The following GNAO1 variants were observed in gnomAD, a reference collection of about 807,000 sequenced individuals.
The protein encoded by GNAO1 is guanine nucleotide-binding protein G(o) subunit alpha.
For missense variants in GNAO1, 166 were observed against 478.7 expected (o/e 0.35, Z 6.10); for synonymous variants, 164 against 180.7 (o/e 0.91, Z 0.74).
intron 6 of GNAO1, chr16:56,345,130 AG>A: frequency 1.0e-6 from 1 of 985,752 alleles, no homozygotes; most frequent in Non-Finnish European, 1.2e-6. Context: ...CCTGAGCAGA[AG>A]GGGGCGGGGT....
At chr16:56,238,038 G>A (rs1263153375) in intron 2 of GNAO1, among the ~76,000 whole-genome samples, 1 of 152,220 alleles carries the variant, frequency 6.6e-6, no homozygotes, top group Non-Finnish European at 1.5e-5. Context: ...GAAAGCGAGA[G>A]TGAAAGGAGG....
intron 2 of GNAO1, among the ~76,000 whole-genome samples, chr16:56,237,226 A>G (rs1319810992): frequency 2.0e-5 from 3 of 152,250 alleles, no homozygotes; most frequent in African/African-American, 7.2e-5. Context: ...GAATCAAAAG[A>G]CTAAAGAGTA....
At chr16:56,194,611 C>CCGGCGGAGAGAGCCGAGCCGCTT (rs2036214572) in intron 2 of GNAO1, 3 of 194,696 alleles carry the variant, frequency 1.5e-5, no homozygotes, top group Non-Finnish European at 3.3e-5. Flanking sequence ...AGTCGGTGCT[C>CCGGCGGAGAGAGCCGAGCCGCTT]CGGCGGAGAG....
chr16:56,264,908 T>A (rs1357484736), intron 2 of GNAO1, among the ~76,000 whole-genome samples: 1 of 152,022 alleles, frequency 6.6e-6, no homozygotes, highest in East Asian at 1.9e-4. Flanking sequence ...AATGTTCGCA[T>A]ACCATACAGC....
intron 5 of GNAO1, among the ~76,000 whole-genome samples, chr16:56,335,655 C>A (rs779143971): frequency 6.6e-6 from 1 of 152,196 alleles, no homozygotes; most frequent in Admixed American, 6.5e-5. Context: ...ATCTGGGGAG[C>A]AAAACCTTGG....
chr16:56,256,716 CTCTGTGTGTGTGTGTG>C (rs57661226), intron 2 of GNAO1, among the ~76,000 whole-genome samples: 20,877 of 88,916 alleles, frequency 0.23, 1,465 homozygotes, highest in East Asian at 0.42. Flanking sequence ...CTCTCTCTCT[CTCTGTGTGTGTGTGTG>C]TGTGTGTGTG....
chr16:56,344,442 G>A, intron 6 of GNAO1: 1 of 1,002,702 alleles, frequency 1.0e-6, no homozygotes, highest in Non-Finnish European at 1.2e-6. Context: ...GGTGGGATCA[G>A]GCCAACTTGG....
intron 8 of GNAO1, 41 bp downstream of exon 8, chr16:56,355,122 G>A (rs899517899): frequency 6.6e-5 from 50 of 754,394 alleles, no homozygotes; most frequent in African/African-American, 3.8e-4. Flanking sequence ...GCGTGCGCGC[G>A]CATACACACA....
At chr16:56,342,370 C>A (rs4784658) in intron 6 of GNAO1, among the ~76,000 whole-genome samples, 1 of 152,130 alleles carries the variant, frequency 6.6e-6, no homozygotes, top group Non-Finnish European at 1.5e-5. Flanking sequence ...CTTAGAGCTG[C>A]GGCTCTGAAC....
chr16:56,241,200 T>C (rs1281851319), intron 2 of GNAO1, among the ~76,000 whole-genome samples: 1 of 152,234 alleles, frequency 6.6e-6, no homozygotes, highest in Non-Finnish European at 1.5e-5. Context: ...CAGAGCACTT[T>C]GAGGGCCACA....
intron 2 of GNAO1, among the ~76,000 whole-genome samples, chr16:56,255,255 G>A (rs2036836083): frequency 6.6e-6 from 1 of 152,114 alleles, no homozygotes; most frequent in Non-Finnish European, 1.5e-5. Context: ...ACTCCTCACG[G>A]TTTCCTGACC....
chr16:56,350,624 T>A lies in GNAO1; in HGVS notation c.724-760T>A, dbSNP rs558247927. Among the ~76,000 whole-genome samples the A allele has an allele frequency of 3.3e-5, 5 of 152,252 alleles. No individual in the cohort carries two copies. The South Asian group carries it at 1.0e-3, about 32-fold the overall frequency. ...GCTTAGAACATCATGCAGTGTCAGATGCAGCTGAGTAGGACCCAGCCAGAG... is the reference window on the plus strand; with the variant it reads ...GCTTAGAACATCATGCAGTGTCAGAAGCAGCTGAGTAGGACCCAGCCAGAG... On this transcript the variant is annotated intron_variant, in intron 6 of 8. Coordinates refer to ENST00000262493, the MANE Select transcript of GNAO1 (RefSeq NM_020988.3).
rs764813379 is a variant in GNAO1, at chr16:56,357,264, A to G, written c.*1190A>G. 1.8e-4 allele frequency: 27 copies of G among 151,724 alleles called. No individual in the cohort carries two copies. The highest frequency in any genetic ancestry group is 3.5e-4 in the Non-Finnish European group (24 of 67,906). The allele number at this position is 151,724 out of a possible 1,614,324, so 9.4% of individuals were successfully genotyped here. ...GAGGAGGCAAAAAGACAAAACACAC[A>G]AAAAATTAAAAAAAAAAACTTAAAA... On this transcript the variant is annotated 3_prime_UTR_variant, in exon 9 of 9. Transcript: ENST00000262493.
chr16:56,351,634 C>G lies in GNAO1; in HGVS notation c.877+97C>G. ...GCTCGGCCAGCACTGCTGGGGCTAG[C>G]TGGCGAGCGGGACCCATTGCAGGAG... On this transcript the variant is annotated intron_variant, in intron 7 of 8. Transcript: ENST00000262493. The surrounding 1 kb of genome is among the most constrained non-coding windows in gnomAD (Gnocchi z 6.1). The G allele has an allele frequency of 5.2e-6, 5 of 969,258 alleles. No individual in the cohort carries two copies. Among genetic ancestry groups the G allele is most frequent in the Non-Finnish European group, 7.9e-6 (5 of 635,702 alleles). 60.0% of individuals were successfully genotyped at this position (969,258 alleles called of 1,614,324 possible).
At chr16:56,300,061 G>T (rs999869361) in intron 3 of GNAO1, among the ~76,000 whole-genome samples, 1 of 95,636 alleles carries the variant, frequency 1.0e-5, no homozygotes, top group Non-Finnish European at 2.0e-5. Flanking sequence ...GCACGCACAT[G>T]TGCTTGTGAG....
At chr16:56,295,982 T>C (rs2037284510) in intron 3 of GNAO1, among the ~76,000 whole-genome samples, 1 of 152,244 alleles carries the variant, frequency 6.6e-6, no homozygotes, top group Admixed American at 6.5e-5. Flanking sequence ...AGAGCCTCTA[T>C]TAGGGACCTT....
chr16:56,304,337 T>C (rs2037373062), intron 3 of GNAO1, among the ~76,000 whole-genome samples: 1 of 152,284 alleles, frequency 6.6e-6, no homozygotes, highest in Admixed American at 6.5e-5. Context: ...TGCAGGTCCC[T>C]CTTCAAGCTG....
At chr16:56,291,262 C>T (rs902706372) in intron 3 of GNAO1, among the ~76,000 whole-genome samples, 9 of 152,200 alleles carry the variant, frequency 5.9e-5, no homozygotes, top group Admixed American at 1.3e-4. Context: ...AGTGTCTCCC[C>T]GTTCTCACTA....
At chr16:56,313,735 T>C (rs957108216) in intron 3 of GNAO1, among the ~76,000 whole-genome samples, 3 of 152,224 alleles carry the variant, frequency 2.0e-5, no homozygotes, top group African/African-American at 7.2e-5. Context: ...CTTCTTTTTT[T>C]ACTTTTTTTG....
Sources: allele counts gnomAD v4.1 joint callset (sites outside exome capture counted in the v4.1 genomes callset), GRCh38; gene constraint gnomAD v4.1.1; non-coding constraint Gnocchi (gnomAD v3.1); transcripts MANE v1.5; gene names NCBI Gene and HGNC (gene_info 2026-07-23, HGNC 2026-07-21).